Variants in EBF1 observed in about 807,000 individuals in gnomAD.
The protein encoded by EBF1 is EBF transcription factor 1.
A neutral mutation model predicts 68.4 loss-of-function variants in EBF1; 10 were observed. That is an observed-to-expected ratio of 0.15 (90% confidence interval 0.09 to 0.25). EBF1 has a LOEUF of 0.25. EBF1 is among the 10% of genes least tolerant of loss of function. The probability of loss-of-function intolerance (pLI) is 1.00; values close to 1 mark genes in which losing one functional copy is unlikely to be tolerated. For missense variants in EBF1, 509 were observed against 794.4 expected, an observed-to-expected ratio of 0.64 and a Z score of 4.32; for synonymous variants, 298 against 299.8, an observed-to-expected ratio of 0.99 and a Z score of 0.06.
At chr5:159,069,085 G>A (rs546246472) in intron 6 of EBF1, among the ~76,000 whole-genome samples, 3 of 151,734 alleles carry the variant, frequency 2.0e-5, no homozygotes, top group Non-Finnish European at 4.4e-5. Flanking sequence ...TTTAAATATC[G>A]GCTTTGAGGA....
At chr5:159,027,748 A>T (rs1767980650) in intron 6 of EBF1, among the ~76,000 whole-genome samples, 1 of 152,224 alleles carries the variant, frequency 6.6e-6, no homozygotes, top group Non-Finnish European at 1.5e-5. Context: ...AAACAAGGAC[A>T]TGCTGATTCT....
At chr5:158,956,466 C>T (rs1223302110) in intron 6 of EBF1, among the ~76,000 whole-genome samples, 5 of 151,594 alleles carry the variant, frequency 3.3e-5, no homozygotes, top group South Asian at 2.1e-4. Context: ...CACATAGACA[C>T]ACACACACAC....
intron 6 of EBF1, among the ~76,000 whole-genome samples, chr5:158,899,841 T>A (rs909888382): frequency 3.9e-5 from 6 of 152,190 alleles, no homozygotes; most frequent in African/African-American, 1.4e-4. Flanking sequence ...AAGGTGCGGT[T>A]TTGTGGGCAA....
rs17056287 is a variant in EBF1 at position 158,834,795 on chromosome 5, G to T, written c.636+5234C>A. ...AGGCCCCTGATTGCTGTTCAGAGGA[G>T]ACACGCTCCTGCGTTGCTATATGAA... On this transcript the variant is annotated intron_variant, in intron 7 of 15. Transcript: ENST00000313708. Among the ~76,000 whole-genome samples the T allele has an allele frequency of 4.7e-3, 713 of 152,334 alleles. 8 individuals are homozygous for T. The highest frequency in any genetic ancestry group is 0.016 in the African/African-American group (684 of 41,582).
rs561064765 is a variant in EBF1, at chr5:159,004,942, G to A, written c.554+68454C>T. On this transcript the variant is annotated intron_variant, in intron 6 of 15. Coordinates refer to ENST00000313708, the MANE Select transcript of EBF1 (RefSeq NM_024007.5). ...CATAGCAACACTCCCAGCATGTCAC[G>A]GAATAATAAAAACCAGTTGTGAGGA... Among the ~76,000 whole-genome samples, 6 of 152,198 alleles carry A rather than the reference G, an allele frequency of 3.9e-5. No homozygotes were observed. In the South Asian group the frequency reaches 8.3e-4, roughly 21 times the overall value.
chr5:159,072,139 C>G lies in EBF1; in HGVS notation c.554+1257G>C, dbSNP rs376075186. The stretch of plus-strand genomic sequence containing the variant: ...ACTTTCTCATCTTTTAACTTTGAAT[C>G]AAATATACTAATACTCTTATATGGA... On this transcript the variant is annotated intron_variant, in intron 6 of 15. Transcript: ENST00000313708. Among the ~76,000 whole-genome samples, 16 of 152,256 alleles carry G rather than the reference C, an allele frequency of 1.1e-4. No individual in the cohort carries two copies. The South Asian group carries it at 3.1e-3, about 30-fold the overall frequency.
At chr5:158,868,814 A>C (rs1458128033) in intron 6 of EBF1, among the ~76,000 whole-genome samples, 1 of 152,166 alleles carries the variant, frequency 6.6e-6, no homozygotes, top group African/African-American at 2.4e-5. Flanking sequence ...TGGGGACAAA[A>C]GGGTGGGAAT....
At chr5:159,057,900 T>C (rs917243101) in intron 6 of EBF1, among the ~76,000 whole-genome samples, 1 of 152,246 alleles carries the variant, frequency 6.6e-6, no homozygotes, top group Non-Finnish European at 1.5e-5. Context: ...CCTGCTTACC[T>C]CACTGTGTTG....
At chr5:158,976,292 C>A (rs1461014995) in intron 6 of EBF1, among the ~76,000 whole-genome samples, 1 of 152,126 alleles carries the variant, frequency 6.6e-6, no homozygotes, top group Non-Finnish European at 1.5e-5. Flanking sequence ...GGGACTTAAA[C>A]CTAGGCATTT....
chr5:158,950,502 A>G (rs925924741), intron 6 of EBF1, among the ~76,000 whole-genome samples: 2 of 152,188 alleles, frequency 1.3e-5, no homozygotes, highest in African/African-American at 4.8e-5. Flanking sequence ...TGCTCCGCCC[A>G]GTGTCTAGCA....
chr5:158,724,318 A>G (rs986598726), intron 11 of EBF1, among the ~76,000 whole-genome samples: 3 of 152,184 alleles, frequency 2.0e-5, no homozygotes, highest in African/African-American at 7.2e-5. Context: ...AAGTAAATAC[A>G]CGAGAAAGAG....
intron 10 of EBF1, among the ~76,000 whole-genome samples, chr5:158,735,097 C>T (rs1581439296): frequency 6.6e-6 from 1 of 152,100 alleles, no homozygotes; most frequent in Admixed American, 6.6e-5. Context: ...GGGTGGCATT[C>T]GTAGGAATGA....
intron 6 of EBF1, among the ~76,000 whole-genome samples, chr5:158,872,805 G>A (rs80050986): frequency 0.021 from 3,243 of 152,114 alleles, 122 homozygotes; most frequent in African/African-American, 0.074. Flanking sequence ...TCAGAGCCCT[G>A]CTACATACCA....
At chr5:159,090,814 T>C (rs1427226371) in intron 4 of EBF1, among the ~76,000 whole-genome samples, 2 of 151,678 alleles carry the variant, frequency 1.3e-5, no homozygotes, top group African/African-American at 4.8e-5. Context: ...GGGGTAATAA[T>C]AATAATAATA....
chr5:158,989,322 G>A (rs1046224645), intron 6 of EBF1, among the ~76,000 whole-genome samples: 7 of 152,286 alleles, frequency 4.6e-5, no homozygotes, highest in African/African-American at 1.7e-4. Flanking sequence ...ATGCACAGTC[G>A]GGCCTGAAAG....
intron 6 of EBF1, among the ~76,000 whole-genome samples, chr5:158,960,592 C>A (rs1365148944): frequency 6.6e-6 from 1 of 152,200 alleles, no homozygotes; most frequent in Non-Finnish European, 1.5e-5. Flanking sequence ...AAAATAGGTT[C>A]TCTAATGGTT....
intron 6 of EBF1, among the ~76,000 whole-genome samples, chr5:159,002,794 T>C (rs1762797281): frequency 6.6e-6 from 1 of 152,208 alleles, no homozygotes; most frequent in Non-Finnish European, 1.5e-5. Context: ...ATTATCACCT[T>C]TGGAAATCTG....
intron 10 of EBF1, among the ~76,000 whole-genome samples, chr5:158,758,323 C>T (rs1430098495): frequency 1.3e-5 from 2 of 152,072 alleles, no homozygotes; most frequent in Non-Finnish European, 2.9e-5. Flanking sequence ...GTTTGTATTT[C>T]AATAATCAGC....
chr5:158,827,315 C>T (rs772649610), intron 7 of EBF1, among the ~76,000 whole-genome samples: 1 of 152,138 alleles, frequency 6.6e-6, no homozygotes, highest in Non-Finnish European at 1.5e-5. Flanking sequence ...CACAAACGTA[C>T]AATTTTAAAG....
Sources: gnomAD v4.1 joint callset for allele counts (sites outside exome capture counted in the v4.1 genomes callset) on GRCh38, gnomAD v4.1.1 for gene constraint, MANE v1.5 for transcripts, NCBI Gene and HGNC (gene_info 2026-07-23, HGNC 2026-07-21) for gene names.